Variants in CEP57L1 observed in about 807,000 individuals in gnomAD.
CEP57L1 encodes centrosomal protein 57 like 1, also known as centrosomal protein CEP57L1.
Under a neutral mutation model 61.0 loss-of-function variants are expected in CEP57L1, and 37 were observed. The observed-to-expected ratio is 0.61, with a 90% CI of 0.47 to 0.80. The LOEUF is 0.80. CEP57L1 is among the 30% of genes least tolerant of loss of function. CEP57L1 has a pLI of 0.00. For synonymous variants in CEP57L1, 137 were observed against 162.3 expected (o/e 0.84, Z 1.19); for missense variants, 422 against 524.7 (o/e 0.80, Z 1.91).
In CEP57L1 at chr6:109,167,624, C is replaced by T. The variant is rs1489103382; in HGVS notation, c.*4654C>T. 1.3e-5 allele frequency among the ~76,000 whole-genome samples: 2 copies of T among 151,796 alleles called. No homozygotes were observed. Among genetic ancestry groups the T allele is most frequent in the East Asian group, 3.9e-4 (2 of 5,186 alleles). On this transcript the variant is annotated 3_prime_UTR_variant, in exon 11 of 11. Coordinates refer to ENST00000517392, the MANE Select transcript of CEP57L1 (RefSeq NM_001271852.3). Reference sequence around the variant, plus strand: ...CCTGGGAGGCAGAGGTTGCGGTGAGCCGAGATTGTGCCACTGCACTCCAGC... The same window carrying T: ...CCTGGGAGGCAGAGGTTGCGGTGAGTCGAGATTGTGCCACTGCACTCCAGC...
chr6:109,152,656 T>C (rs1306090438), intron 4 of CEP57L1, among the ~76,000 whole-genome samples: 2 of 149,452 alleles, frequency 1.3e-5, no homozygotes, highest in African/African-American at 5.1e-5. Flanking sequence ...TGTGTGTGTG[T>C]GTGTGTGTGT....
At chr6:109,157,362 A>G (rs1264119753) in intron 7 of CEP57L1, 1 of 152,188 alleles carries the variant, frequency 6.6e-6, no homozygotes, top group Non-Finnish European at 1.5e-5. Context: ...ATCTTGATGT[A>G]CATAGACTGG....
At chr6:109,130,282 T>A (rs1415989472) in intron 1 of CEP57L1, among the ~76,000 whole-genome samples, 3 of 152,190 alleles carry the variant, frequency 2.0e-5, no homozygotes, top group East Asian at 3.9e-4. Context: ...ATACTTCATA[T>A]AAGTGGAAAC....
At chr6:109,152,508 T>C (rs1772729807) in intron 4 of CEP57L1, among the ~76,000 whole-genome samples, 1 of 152,136 alleles carries the variant, frequency 6.6e-6, no homozygotes, top group Non-Finnish European at 1.5e-5. Flanking sequence ...ACAGCCATTT[T>C]AGGTTTATAG....
chr6:109,161,133 C>T (rs1267330342), intron 10 of CEP57L1, among the ~76,000 whole-genome samples: 2 of 152,086 alleles, frequency 1.3e-5, no homozygotes, highest in African/African-American at 4.8e-5. Flanking sequence ...AGCAGTGCCC[C>T]AATCCTTAAA....
chr6:109,121,664 A>G (rs556847853), intron 1 of CEP57L1, among the ~76,000 whole-genome samples: 1 of 152,306 alleles, frequency 6.6e-6, no homozygotes, highest in South Asian at 2.1e-4. Flanking sequence ...TTCCAATTTC[A>G]TTATCAAAAT....
intron 7 of CEP57L1, chr6:109,157,726 A>G (rs1205053100): frequency 6.6e-6 from 1 of 152,240 alleles, no homozygotes. Flanking sequence ...TGCCATGTTA[A>G]GAGTTTGAAC....
intron 1 of CEP57L1, among the ~76,000 whole-genome samples, chr6:109,125,222 A>G (rs905951027): frequency 1.3e-5 from 2 of 152,154 alleles, no homozygotes; most frequent in African/African-American, 2.4e-5. Context: ...TGTGTTGAAT[A>G]TACTCTGTCT....
chr6:109,117,637 A>G (rs939229907), intron 1 of CEP57L1, among the ~76,000 whole-genome samples: 1 of 152,246 alleles, frequency 6.6e-6, no homozygotes, highest in African/African-American at 2.4e-5. Flanking sequence ...AGCTCTAAGC[A>G]CAAAGTTTGG....
In CEP57L1 at chr6:109,166,320, G is replaced by A. The variant is rs1030137684; in HGVS notation, c.*3350G>A. Among the ~76,000 whole-genome samples the A allele has an allele frequency of 6.6e-6, 1 of 150,906 alleles. No homozygotes were observed. On this transcript the variant is annotated 3_prime_UTR_variant, in exon 11 of 11. Transcript: ENST00000517392. ...ACTTTATTCCTTTTTTTCTATACCT[G>A]CCAGTAGATGTGAGAGCTTTTCTTA...
At chr6:109,133,943 C>T (rs951280257) in intron 1 of CEP57L1, among the ~76,000 whole-genome samples, 1 of 152,066 alleles carries the variant, frequency 6.6e-6, no homozygotes, top group Non-Finnish European at 1.5e-5. Context: ...CAAAACAAGT[C>T]GAGGACCAGA....
rs774122249 is a variant in CEP57L1 at position 109,159,473 on chromosome 6, A to G, written c.1016+11A>G. 1 of 1,604,074 alleles carries G rather than the reference A, an allele frequency of 6.2e-7. No individual in the cohort carries two copies. Among genetic ancestry groups the G allele is most frequent in the Non-Finnish European group, 8.5e-7 (1 of 1,174,704 alleles). ...GGACCAAATGAGCATGTAAGTATTT[A>G]TATTCTTTTTTTTTTTCAAGAGACA... On this transcript the variant is annotated intron_variant, in intron 9 of 10. Transcript: ENST00000517392.
intron 1 of CEP57L1, among the ~76,000 whole-genome samples, chr6:109,143,999 A>G (rs558542924): frequency 6.6e-6 from 1 of 152,306 alleles, no homozygotes; most frequent in South Asian, 2.1e-4. Context: ...GGGAACAACA[A>G]CTTAGATAGA....
intron 1 of CEP57L1, among the ~76,000 whole-genome samples, chr6:109,118,008 T>C (rs1361960018): frequency 6.6e-6 from 1 of 152,232 alleles, no homozygotes; most frequent in Non-Finnish European, 1.5e-5. Context: ...CATATTTTTG[T>C]AGGTGCATTT....
intron 1 of CEP57L1, among the ~76,000 whole-genome samples, chr6:109,098,616 CTT>C (rs879546760): frequency 6.9e-6 from 1 of 145,344 alleles, no homozygotes; most frequent in African/African-American, 2.5e-5. Flanking sequence ...GTATTTTTTC[CTT>C]TTTTTTTTTA....
rs1281013499 is a variant in CEP57L1, at chr6:109,149,055, C to G, written c.341-1063C>G. On this transcript the variant is annotated intron_variant, in intron 3 of 10. Transcript: ENST00000517392. The stretch of plus-strand genomic sequence containing the variant: ...GATGAATAGGTTGCAAAAATTTTCT[C>G]CCATTCTGTAGGTTGCCTGTTCACT... 2.6e-5 allele frequency among the ~76,000 whole-genome samples: 4 copies of G among 152,130 alleles called. No individual in the cohort carries two copies. In the East Asian group the frequency reaches 7.7e-4, roughly 29 times the overall value.
intron 1 of CEP57L1, among the ~76,000 whole-genome samples, chr6:109,136,087 A>G (rs1770635906): frequency 6.6e-6 from 1 of 152,192 alleles, no homozygotes; most frequent in African/African-American, 2.4e-5. Flanking sequence ...AGGATTATAA[A>G]TCATTCTGCT....
chr6:109,172,088 T>C lies in CEP57L1; in HGVS notation c.*9118T>C, dbSNP rs1195709510. ...AAGAATATATATTAAAATCAGCAGC[T>C]GAAAAAAGGCACATAGGGCAAAGTC... On this transcript the variant is annotated 3_prime_UTR_variant, in exon 11 of 11. Transcript: ENST00000517392. 6.6e-6 allele frequency among the ~76,000 whole-genome samples: 1 copy of C among 152,178 alleles called. No homozygotes were observed. The highest frequency in any genetic ancestry group is 1.9e-4 in the East Asian group (1 of 5,202).
chr6:109,120,958 A>AGT (rs1310945787), intron 1 of CEP57L1, among the ~76,000 whole-genome samples: 1 of 123,700 alleles, frequency 8.1e-6, no homozygotes, highest in Non-Finnish European at 1.7e-5. Flanking sequence ...ACACACACAC[A>AGT]GTCACTCACT....
Sources: gnomAD v4.1 joint callset for allele counts (sites outside exome capture counted in the v4.1 genomes callset) on GRCh38, gnomAD v4.1.1 for gene constraint, MANE v1.5 for transcripts, NCBI Gene and HGNC (gene_info 2026-07-23, HGNC 2026-07-21) for gene names.